Variants in SPAG16 observed in about 807,000 individuals in gnomAD.
The protein encoded by SPAG16 is sperm associated antigen 16.
SPAG16 carries 86 observed loss-of-function variants against 80.4 expected under a neutral mutation model. The observed-to-expected ratio is 1.07, with a 90% confidence interval of 0.90 to 1.28. SPAG16 has a LOEUF of 1.28. SPAG16 is among the 50% of genes most tolerant of loss of function. The probability of loss-of-function intolerance (pLI) is 0.00; values close to 1 mark genes in which losing one functional copy is unlikely to be tolerated. For synonymous variants in SPAG16, 294 were observed against 265.9 expected (o/e 1.11, Z -1.03); for missense variants, 870 against 765.3 (o/e 1.14, Z -1.61).
chr2:213,531,163 A>T (rs1365975029), intron 10 of SPAG16, among the ~76,000 whole-genome samples: 1 of 152,018 alleles, frequency 6.6e-6, no homozygotes, highest in Non-Finnish European at 1.5e-5. Context: ...TTACCTATAT[A>T]TGAAGTTTTC....
chr2:213,350,508 A>G lies in SPAG16; in HGVS notation c.645-20A>G, dbSNP rs775319775. The G allele has an allele frequency of 8.0e-6, 11 of 1,377,110 alleles. No homozygotes were observed. In the South Asian group the frequency reaches 1.4e-4, roughly 17 times the overall value. 85.3% of individuals were successfully genotyped at this position (1,377,110 alleles called of 1,614,324 possible). ...TAACTCAATAACCCCTTAAGATGCT[A>G]TTGACTTTATTTTTTATAGGTTGAA... On this transcript the variant is annotated intron_variant, in intron 6 of 15. Coordinates refer to ENST00000331683, the MANE Select transcript of SPAG16 (RefSeq NM_024532.5).
intron 15 of SPAG16, among the ~76,000 whole-genome samples, chr2:214,314,753 G>GAAGTAGCTAGGTTGAA (rs1695562424): frequency 6.6e-6 from 1 of 151,966 alleles, no homozygotes; most frequent in African/African-American, 2.4e-5. Flanking sequence ...TTTAAAAAAA[G>GAAGTAGCTAGGTTGAA]TGGGTTCACA....
intron 10 of SPAG16, among the ~76,000 whole-genome samples, chr2:213,761,063 G>T (rs1391225878): frequency 1.3e-5 from 2 of 152,128 alleles, no homozygotes; most frequent in African/African-American, 4.8e-5. Context: ...TTCAACATAT[G>T]AATTTTAGGG....
At chr2:213,427,633 A>G (rs181720925) in intron 9 of SPAG16, among the ~76,000 whole-genome samples, 10 of 152,318 alleles carry the variant, frequency 6.6e-5, no homozygotes. Context: ...TGAAAGTTAA[A>G]TTTTAGGTGG....
chr2:213,628,945 AT>A (rs1006451923), intron 10 of SPAG16, among the ~76,000 whole-genome samples: 8 of 152,180 alleles, frequency 5.3e-5, no homozygotes, highest in Non-Finnish European at 2.9e-5. Flanking sequence ...ATGAAGATAT[AT>A]ATAGCACTGA....
intron 9 of SPAG16, among the ~76,000 whole-genome samples, chr2:213,475,987 C>G (rs575693480): frequency 1.1e-3 from 168 of 152,290 alleles, no homozygotes; most frequent in Middle Eastern, 3.4e-3. Flanking sequence ...GGGAAGTGGT[C>G]TCTTGCACTA....
intron 10 of SPAG16, among the ~76,000 whole-genome samples, chr2:213,757,889 C>T (rs1316190431): frequency 1.3e-5 from 2 of 152,040 alleles, no homozygotes; most frequent in African/African-American, 4.8e-5. Context: ...TGTTGCACCT[C>T]TATCCATTAT....
At chr2:214,331,626 T>A (rs1158719410) in intron 15 of SPAG16, among the ~76,000 whole-genome samples, 2 of 152,100 alleles carry the variant, frequency 1.3e-5, no homozygotes, top group Non-Finnish European at 2.9e-5. Flanking sequence ...TGGTTTAGAG[T>A]GTAGATTGAA....
chr2:214,257,557 C>T (rs1314242737), intron 15 of SPAG16, among the ~76,000 whole-genome samples: 1 of 151,974 alleles, frequency 6.6e-6, no homozygotes, highest in East Asian at 1.9e-4. Context: ...GAGTGTTGAT[C>T]ATCAAATGCT....
intron 11 of SPAG16, among the ~76,000 whole-genome samples, chr2:213,899,776 T>G (rs1230398028): frequency 6.6e-6 from 1 of 152,136 alleles, no homozygotes; most frequent in Non-Finnish European, 1.5e-5. Flanking sequence ...TGAAAAAATC[T>G]GAGCCTTAAT....
chr2:213,365,726 G>A (rs2125133780), intron 8 of SPAG16, among the ~76,000 whole-genome samples: 1 of 151,948 alleles, frequency 6.6e-6, no homozygotes, highest in African/African-American at 2.4e-5. Context: ...CCAACATGCT[G>A]GGATTACAGG....
intron 15 of SPAG16, among the ~76,000 whole-genome samples, chr2:214,361,591 T>G (rs1028105678): frequency 2.0e-5 from 3 of 151,922 alleles, no homozygotes; most frequent in Non-Finnish European, 4.4e-5. Flanking sequence ...ATATAACCAA[T>G]TTTAAAGTTT....
At chr2:213,710,562 T>C (rs1467849293) in intron 10 of SPAG16, among the ~76,000 whole-genome samples, 1 of 152,188 alleles carries the variant, frequency 6.6e-6, no homozygotes, top group Non-Finnish European at 1.5e-5. Flanking sequence ...GGTGTGTTAG[T>C]GTGGCGACTC....
intron 10 of SPAG16, among the ~76,000 whole-genome samples, chr2:213,726,477 G>C (rs1249888471): frequency 2.0e-5 from 3 of 152,162 alleles, no homozygotes; most frequent in Non-Finnish European, 2.9e-5. Flanking sequence ...TACAGTTAGA[G>C]ATTATTAGTT....
chr2:214,146,300 G>T (rs1440861216), intron 14 of SPAG16, among the ~76,000 whole-genome samples: 1 of 152,090 alleles, frequency 6.6e-6, no homozygotes, highest in African/African-American at 2.4e-5. Flanking sequence ...ATTCTGTCTC[G>T]AGGAAGGAGA....
chr2:213,942,516 G>A (rs2079251895), intron 12 of SPAG16, among the ~76,000 whole-genome samples: 1 of 152,074 alleles, frequency 6.6e-6, no homozygotes, highest in South Asian at 2.1e-4. Flanking sequence ...CTTTTCTCTG[G>A]ATGTTGCCTC....
chr2:213,763,758 G>A (rs17754969), intron 10 of SPAG16, among the ~76,000 whole-genome samples: 31,520 of 152,092 alleles, frequency 0.21, 3,638 homozygotes, highest in South Asian at 0.3. Flanking sequence ...AAGACCGTTC[G>A]TTGCACTCAT....
At chr2:213,723,287 A>G (rs911685422) in intron 10 of SPAG16, among the ~76,000 whole-genome samples, 1 of 152,104 alleles carries the variant, frequency 6.6e-6, no homozygotes, top group Admixed American at 6.5e-5. Context: ...TGGGATTTAG[A>G]TACTAATTTA....
chr2:214,137,244 A>G (rs2055103714), intron 14 of SPAG16, among the ~76,000 whole-genome samples: 1 of 151,864 alleles, frequency 6.6e-6, no homozygotes, highest in Non-Finnish European at 1.5e-5. Flanking sequence ...TACATACAAC[A>G]TAGACAATTT....
Sources: gnomAD v4.1 joint callset for allele counts (sites outside exome capture counted in the v4.1 genomes callset) on GRCh38, gnomAD v4.1.1 for gene constraint, MANE v1.5 for transcripts, NCBI Gene and HGNC (gene_info 2026-07-23, HGNC 2026-07-21) for gene names.